The following XG variants were observed in gnomAD, a reference collection of about 807,000 sequenced individuals.
XG encodes Xg glycoprotein (Xg blood group), also known as glycoprotein Xg.
In XG, 24 loss-of-function variants were observed where a neutral mutation model predicts 25.7. The observed-to-expected ratio is 0.93, with a 90% CI of 0.68 to 1.31. The LOEUF (loss-of-function observed/expected upper bound fraction) is 1.31, where lower values mean the gene tolerates loss of function less well. XG is among the 40% of genes most tolerant of loss of function. The pLI, the probability that XG is intolerant of heterozygous loss-of-function variation, is 0.00. For synonymous variants in XG, 77 were observed against 69.2 expected, an observed-to-expected ratio of 1.11 and a Z score of -0.56; for missense variants, 181 against 187.6, an observed-to-expected ratio of 0.96 and a Z score of 0.21.
intron 1 of XG, among the ~76,000 whole-genome samples, chrX:2,755,137 C>T (rs1005281590): frequency 1.1e-4 from 16 of 152,108 alleles, no homozygotes; most frequent in African/African-American, 3.4e-4. Flanking sequence ...CGGATCCAGA[C>T]GCCAAGACGG....
intron 7 of XG, among the ~76,000 whole-genome samples, chrX:2,805,084 G>A (rs1376937933): frequency 1.8e-5 from 2 of 112,247 alleles, no homozygotes; most frequent in Non-Finnish European, 3.8e-5. Context: ...GATGCAAGCC[G>A]CCGCCATGGG....
intron 1 of XG, among the ~76,000 whole-genome samples, chrX:2,758,638 C>G (rs907612631): frequency 2.0e-5 from 3 of 152,226 alleles, no homozygotes; most frequent in Non-Finnish European, 4.4e-5. Flanking sequence ...GGACACTTGT[C>G]GATATCTTGA....
chrX:2,776,899 G>C (rs2051010887), intron 3 of XG, among the ~76,000 whole-genome samples: 3 of 152,174 alleles, frequency 2.0e-5, no homozygotes. Context: ...CAGACTCCTT[G>C]ACTGCCATGA....
At position 2,794,461 on chromosome X, in the gene XG, C is replaced by A. The variant is rs1237160589; in HGVS notation, c.254-74C>A. On this transcript the variant is annotated intron_variant, in intron 5 of 10. Coordinates refer to ENST00000644266, the MANE Select transcript of XG (RefSeq NM_001141919.2). ...TCTTCTCCAAAACCTGTGCCAGTGC[C>A]CCCAGCGCAGACCTGGTGTGAAGGG... The A allele has an allele frequency of 4.5e-6, 5 of 1,104,862 alleles. No homozygotes were observed. The African/African-American group carries it at 5.5e-5, about 12-fold the overall frequency. The allele number at this position is 1,104,862 out of a possible 1,213,427, so 91.1% of individuals were successfully genotyped here.
chrX:2,807,466 TTG>T, intron 8 of XG, among the ~76,000 whole-genome samples: 1 of 111,084 alleles, frequency 9.0e-6, no homozygotes, highest in Non-Finnish European at 1.9e-5. Context: ...GTGTGCATAT[TTG>T]TGTGTACATG....
chrX:2,800,922 A>G (rs772579992), intron 7 of XG, among the ~76,000 whole-genome samples: 3 of 102,365 alleles, frequency 2.9e-5, no homozygotes, highest in Non-Finnish European at 3.9e-5. Flanking sequence ...GCTGCAGTGA[A>G]CCGTGATAGC....
intron 1 of XG, 98 bp from the exon 2 acceptor site, chrX:2,770,452 T>G (rs1398798768): frequency 1.2e-5 from 17 of 1,456,336 alleles, no homozygotes; most frequent in Non-Finnish European, 1.6e-5. Flanking sequence ...TGGGCGACCC[T>G]AGGCTTGCAG....
intron 1 of XG, among the ~76,000 whole-genome samples, chrX:2,768,834 G>T (rs2050754308): frequency 6.6e-6 from 1 of 152,182 alleles, no homozygotes; most frequent in Non-Finnish European, 1.5e-5. Flanking sequence ...ATGGAGCAAA[G>T]ATTTGCTGGG....
chrX:2,812,816 C>T (rs1249828000), intron 10 of XG, among the ~76,000 whole-genome samples: 1 of 111,968 alleles, frequency 8.9e-6, no homozygotes. Flanking sequence ...CACGTGTTAA[C>T]TTCAGTAGCT....
At chrX:2,808,592 G>A (rs2087025978) in intron 9 of XG, 6 of 747,496 alleles carry the variant, frequency 8.0e-6, no homozygotes, top group Non-Finnish European at 9.5e-6. Context: ...TGAACACTCT[G>A]CCCAAAGAAG....
At position 2,787,109 on chromosome X, in the gene XG, C is replaced by T. The variant is rs182550382; in HGVS notation, c.191-2535C>T. ...GCATCTGCAAGCCCAGGAGAGAGGC[C>T]TCAGGAGGAATCAGCCCAGCCCACA... On this transcript the variant is annotated intron_variant, in intron 4 of 10. Coordinates refer to ENST00000644266, the MANE Select transcript of XG (RefSeq NM_001141919.2). Among the ~76,000 whole-genome samples, 278 of 108,636 alleles carry T rather than the reference C, an allele frequency of 2.6e-3. 3 individuals carry two copies. Among genetic ancestry groups the T allele is most frequent in the African/African-American group, 8.8e-3 (262 of 29,686 alleles). 94.3% of individuals were successfully genotyped at this position (108,636 alleles called of 115,157 possible).
At chrX:2,784,113 T>G (rs2086761033) in intron 4 of XG, among the ~76,000 whole-genome samples, 1 of 111,754 alleles carries the variant, frequency 8.9e-6, no homozygotes, top group African/African-American at 3.3e-5. Flanking sequence ...ACCACCCACC[T>G]TTTTCTCCTG....
chrX:2,812,362 C>G (rs2147099064), intron 10 of XG, among the ~76,000 whole-genome samples: 1 of 111,254 alleles, frequency 9.0e-6, no homozygotes, highest in African/African-American at 3.3e-5. Context: ...AAACAACAGT[C>G]AGGGATTGTT....
At chrX:2,790,963 GTAAATAAATT>G (rs1471022445) in intron 5 of XG, among the ~76,000 whole-genome samples, 3 of 58,791 alleles carry the variant, frequency 5.1e-5, no homozygotes, top group Non-Finnish European at 1.2e-4. Context: ...TTAGTTGATA[GTAAATAAATT>G]TAAATGTTTT....
intron 3 of XG, among the ~76,000 whole-genome samples, chrX:2,778,329 G>A (rs1391465865): frequency 6.6e-6 from 1 of 152,154 alleles, no homozygotes; most frequent in Non-Finnish European, 1.5e-5. Flanking sequence ...GATTTCTTGA[G>A]CCCAGGAGTT....
chrX:2,800,954 C>T (rs1170652492), intron 7 of XG, among the ~76,000 whole-genome samples: 2 of 97,059 alleles, frequency 2.1e-5, no homozygotes, highest in African/African-American at 7.9e-5. Flanking sequence ...CCAGCCTGGG[C>T]CATGGAGTGA....
chrX:2,764,685 C>T (rs1325620353), intron 1 of XG, among the ~76,000 whole-genome samples: 2 of 151,546 alleles, frequency 1.3e-5, no homozygotes, highest in Non-Finnish European at 2.9e-5. Flanking sequence ...AGCAGCTGAC[C>T]CAAGAAAGTT....
intron 3 of XG, among the ~76,000 whole-genome samples, chrX:2,779,437 C>T (rs1401892485): frequency 6.6e-6 from 1 of 150,632 alleles, no homozygotes; most frequent in Non-Finnish European, 1.5e-5. Context: ...TGAAAAAAGT[C>T]AAAAGATGAG....
intron 7 of XG, among the ~76,000 whole-genome samples, chrX:2,803,139 G>A (rs2086960606): frequency 9.0e-6 from 1 of 111,692 alleles, no homozygotes; most frequent in Non-Finnish European, 1.9e-5. Context: ...ACTGGGAGTA[G>A]TTTTTTATTG....
Sources: allele counts gnomAD v4.1 joint callset (sites outside exome capture counted in the v4.1 genomes callset), GRCh38; gene constraint gnomAD v4.1.1; transcripts MANE v1.5; gene names NCBI Gene and HGNC (gene_info 2026-07-23, HGNC 2026-07-21).